The following PLCL1 variants were observed in gnomAD, a reference collection of about 807,000 sequenced individuals.
PLCL1 encodes inactive phospholipase C-like protein 1.
PLCL1 carries 41 observed loss-of-function variants against 84.4 expected under a neutral mutation model. That is an observed-to-expected ratio of 0.49 (90% CI 0.38 to 0.63). The LOEUF (loss-of-function observed/expected upper bound fraction) is 0.63. PLCL1 is among the 30% of genes least tolerant of loss of function. PLCL1 has a pLI of 0.00. For synonymous variants in PLCL1, 490 were observed against 488.3 expected (o/e 1.00, Z -0.05); for missense variants, 1,206 against 1,367.8 (o/e 0.88, Z 1.87).
At chr2:197,915,149 C>T (rs893541993) in intron 1 of PLCL1, among the ~76,000 whole-genome samples, 2 of 152,152 alleles carry the variant, frequency 1.3e-5, no homozygotes, top group Non-Finnish European at 2.9e-5. Context: ...ATTCCAACTT[C>T]CAGATGAGAT....
At chr2:198,112,367 CCAGCCT>C (rs1693643480) in intron 5 of PLCL1, among the ~76,000 whole-genome samples, 1 of 151,846 alleles carries the variant, frequency 6.6e-6, no homozygotes, top group Non-Finnish European at 1.5e-5. Flanking sequence ...GAGAGCCCAG[CCAGCCT>C]CCTCTTGTTT....
chr2:197,996,063 G>A (rs1690457400), intron 1 of PLCL1, among the ~76,000 whole-genome samples: 1 of 152,150 alleles, frequency 6.6e-6, no homozygotes, highest in African/African-American at 2.4e-5. Context: ...ATCATGTTGT[G>A]TGAAGAGACG....
At chr2:198,034,198 A>T (rs371545521) in intron 1 of PLCL1, among the ~76,000 whole-genome samples, 2 of 151,488 alleles carry the variant, frequency 1.3e-5, no homozygotes, top group African/African-American at 4.9e-5. Flanking sequence ...CCTGTGTCCA[A>T]GTGTTCTCAT....
intron 1 of PLCL1, among the ~76,000 whole-genome samples, chr2:197,937,058 T>C (rs575986053): frequency 6.6e-6 from 1 of 152,330 alleles, no homozygotes; most frequent in African/African-American, 2.4e-5. Flanking sequence ...TCATTGTGTG[T>C]TCTTAGCACA....
rs925475728 is a variant in PLCL1, at chr2:197,805,989, A to G, written c.240+650A>G. On this transcript the variant is annotated intron_variant, in intron 1 of 5. Transcript: ENST00000428675. The surrounding 1 kb of genome is among the most constrained non-coding windows in gnomAD (Gnocchi z 4.0). ...GAAAACGCTTCCTGACCCGCTAATC[A>G]CCTCACAGAATTTCTCTCCATCCAT... is the stretch of plus-strand genomic sequence containing the variant. Among the ~76,000 whole-genome samples the G allele has an allele frequency of 6.6e-6, 1 of 152,122 alleles. No homozygotes were observed. Among genetic ancestry groups the G allele is most frequent in the East Asian group, 1.9e-4 (1 of 5,188 alleles).
chr2:197,805,277 G>A lies in PLCL1; in HGVS notation c.178G>A (p.Asp60Asn). The A allele has an allele frequency of 2.3e-6, 3 of 1,286,202 alleles. No individual in the cohort carries two copies. The highest frequency in any genetic ancestry group is 2.9e-6 in the Non-Finnish European group (3 of 1,018,610). 79.7% of individuals were successfully genotyped at this position (1,286,202 alleles called of 1,614,324 possible). A position where few individuals can be genotyped will look rare whatever the true frequency, so the allele number is the denominator to read the frequency against. ...GCCAGGCGCCGCGGGGACCCCAGCGGACAGCGAGGCGGGCCTCCTGGAGGC... is the reference window on the plus strand; with the variant it reads ...GCCAGGCGCCGCGGGGACCCCAGCGAACAGCGAGGCGGGCCTCCTGGAGGC... ...ALPGAAGTPA[D>N]SEAGLLEAAR... Residue 60 changes from aspartate to asparagine, a missense_variant, in exon 1 of 6, where the codon GAC (aspartate) becomes AAC (asparagine). Physicochemically the swap from Asp to Asn is conservative, Grantham distance 23 (BLOSUM62 1). Transcript: ENST00000428675. The surrounding 1 kb of genome is among the most constrained non-coding windows in gnomAD (Gnocchi z 4.0).
chr2:198,096,581 C>G (rs1485256827), intron 3 of PLCL1, among the ~76,000 whole-genome samples: 2 of 151,860 alleles, frequency 1.3e-5, no homozygotes, highest in Non-Finnish European at 2.9e-5. Context: ...AGAAATAAGC[C>G]CAAAGCATTC....
chr2:198,104,463 C>A (rs1693421824), intron 5 of PLCL1, among the ~76,000 whole-genome samples: 1 of 151,908 alleles, frequency 6.6e-6, no homozygotes, highest in African/African-American at 2.4e-5. Flanking sequence ...TAGGTTGATT[C>A]CATGCTTTGC....
At position 198,034,158 on chromosome 2, in the gene PLCL1, C is replaced by G. The variant is rs985556628; in HGVS notation, c.241-49600C>G. 2.0e-5 allele frequency among the ~76,000 whole-genome samples: 3 copies of G among 151,864 alleles called. No homozygotes were observed. In the East Asian group the frequency reaches 5.8e-4, roughly 29 times the overall value. On this transcript the variant is annotated intron_variant, in intron 1 of 5. Transcript: ENST00000428675. ...TATCCCTCCCCCTCCCCTCACCCCA[C>G]AACAGGCCCCGGTGTGTGATGTCCC...
At chr2:198,109,345 C>A (rs548545813) in intron 5 of PLCL1, among the ~76,000 whole-genome samples, 3 of 151,822 alleles carry the variant, frequency 2.0e-5, no homozygotes, top group Non-Finnish European at 4.4e-5. Context: ...GGGCACTAAT[C>A]ACCTCCTAAA....
chr2:198,108,896 C>T (rs1206695426), intron 5 of PLCL1, among the ~76,000 whole-genome samples: 3 of 151,820 alleles, frequency 2.0e-5, no homozygotes, highest in African/African-American at 7.3e-5. Context: ...CTTTCTTTTT[C>T]ACTATTGTAC....
rs141378367 is a variant in PLCL1 at position 198,070,779 on chromosome 2, T to C, written c.241-12979T>C. Among the ~76,000 whole-genome samples, 104 of 152,130 alleles carry C rather than the reference T, an allele frequency of 6.8e-4. 3 individuals are homozygous for C. The South Asian group carries it at 0.013, about 20-fold the overall frequency. ...ATGACTCAAAAAAGCTTAAAAAAGA[T>C]GGATGTCATTAATCTCTACAAAGTG... is the stretch of plus-strand genomic sequence containing the variant. On this transcript the variant is annotated intron_variant, in intron 1 of 5. Transcript: ENST00000428675.
chr2:197,823,550 A>G (rs1254838805), intron 1 of PLCL1, among the ~76,000 whole-genome samples: 1 of 152,180 alleles, frequency 6.6e-6, no homozygotes, highest in Non-Finnish European at 1.5e-5. Context: ...GAAGAAATAA[A>G]GAAATAGTAA....
intron 1 of PLCL1, among the ~76,000 whole-genome samples, chr2:198,009,894 T>C (rs952895224): frequency 2.0e-5 from 3 of 151,960 alleles, no homozygotes; most frequent in Non-Finnish European, 1.5e-5. Context: ...AAGTCTTTTA[T>C]CTCCTGGGTT....
chr2:197,988,194 G>A (rs1690259005), intron 1 of PLCL1, among the ~76,000 whole-genome samples: 1 of 152,168 alleles, frequency 6.6e-6, no homozygotes, highest in Admixed American at 6.5e-5. Flanking sequence ...AAGAAGGGGT[G>A]TCAGATATAT....
intron 1 of PLCL1, among the ~76,000 whole-genome samples, chr2:197,822,929 A>G (rs910918606): frequency 2.0e-5 from 3 of 152,212 alleles, no homozygotes; most frequent in African/African-American, 7.2e-5. Context: ...TTGAGAGGAT[A>G]TGATGAGTTC....
In PLCL1 at chr2:197,875,705, G is replaced by A. The variant is rs762412513; in HGVS notation, c.240+70366G>A. ...GAAATATGGTTTGCTTTACTGTCAT[G>A]GTTTCCAAGGATGCATTAGGCTTAA... On this transcript the variant is annotated intron_variant, in intron 1 of 5. Transcript: ENST00000428675. Among the ~76,000 whole-genome samples, 7 of 151,768 alleles carry A rather than the reference G, an allele frequency of 4.6e-5. No individual in the cohort carries two copies. In the South Asian group the frequency reaches 1.5e-3, roughly 32 times the overall value.
chr2:197,908,448 T>C (rs1020089917), intron 1 of PLCL1, among the ~76,000 whole-genome samples: 1 of 152,252 alleles, frequency 6.6e-6, no homozygotes, highest in Non-Finnish European at 1.5e-5. Flanking sequence ...TCCTAACCTC[T>C]GTCCAGTGAT....
At chr2:198,142,478 CT>C (rs1694411725) in intron 5 of PLCL1, among the ~76,000 whole-genome samples, 1 of 152,072 alleles carries the variant, frequency 6.6e-6, no homozygotes, top group East Asian at 1.9e-4. Context: ...AGATAATGTA[CT>C]TTAATTATAA....
Sources: allele counts gnomAD v4.1 joint callset (sites outside exome capture counted in the v4.1 genomes callset), GRCh38; gene constraint gnomAD v4.1.1; non-coding constraint Gnocchi (gnomAD v3.1); transcripts MANE v1.5; gene names NCBI Gene and HGNC (gene_info 2026-07-23, HGNC 2026-07-21).